Variants in CSMD1 observed in about 807,000 individuals in gnomAD.
CSMD1 encodes the protein CUB and Sushi multiple domains 1, also known as CUB and sushi domain-containing protein 1.
A neutral mutation model predicts 417.5 loss-of-function variants in CSMD1; 213 were observed. The observed-to-expected ratio is 0.51, with a 90% CI of 0.46 to 0.57. The LOEUF is 0.57. Ranked by LOEUF, CSMD1 falls within the 20% of genes least tolerant of loss-of-function variation. The probability of loss-of-function intolerance (pLI) is 0.00; values close to 1 mark genes in which losing one functional copy is unlikely to be tolerated. For missense variants in CSMD1, 6,923 were observed against 4,529.7 expected, an observed-to-expected ratio of 1.53 and a Z score of -15.17; for synonymous variants, 2,862 against 1,736.8, an observed-to-expected ratio of 1.65 and a Z score of -16.11.
At chr8:3,900,784 G>A (rs73495950) in intron 5 of CSMD1, among the ~76,000 whole-genome samples, 1,769 of 152,274 alleles carry the variant, frequency 0.012, 39 homozygotes, top group African/African-American at 0.041. Flanking sequence ...CACTGTAGCT[G>A]GGTGACACAG....
chr8:4,954,733 C>G (rs923113340), intron 1 of CSMD1, among the ~76,000 whole-genome samples: 17 of 152,086 alleles, frequency 1.1e-4, no homozygotes, highest in Non-Finnish European at 2.4e-4. Flanking sequence ...TATGCAGAGA[C>G]TGGAGGATAA....
At chr8:4,842,612 G>A (rs1010796010) in intron 1 of CSMD1, among the ~76,000 whole-genome samples, 7 of 152,188 alleles carry the variant, frequency 4.6e-5, no homozygotes, top group Admixed American at 1.3e-4. Flanking sequence ...GAACCCGGGT[G>A]CCTATGTGCA....
chr8:3,586,470 T>G (rs986184), intron 8 of CSMD1, among the ~76,000 whole-genome samples: 61,493 of 151,904 alleles, frequency 0.4, 12,751 homozygotes, highest in Middle Eastern at 0.47. Flanking sequence ...AGATTCCTGT[T>G]GTGCCAGCTT....
chr8:4,056,633 C>T (rs892131165), intron 3 of CSMD1, among the ~76,000 whole-genome samples: 1 of 151,836 alleles, frequency 6.6e-6, no homozygotes, highest in South Asian at 2.1e-4. Flanking sequence ...GTCCTGCACC[C>T]ATTAACTCAT....
At position 4,142,622 on chromosome 8, in the gene CSMD1, G is replaced by C. The variant is rs1393491059; in HGVS notation, c.416-110523C>G. On this transcript the variant is annotated intron_variant, in intron 3 of 69. Transcript: ENST00000635120. ...TTGCTAGCTTAGCAGCACTGGCTCT[G>C]TATTTAATTGCAAATGAGAGAGAAA... Among the ~76,000 whole-genome samples the C allele has an allele frequency of 1.3e-5, 2 of 151,026 alleles. 1 individual carries two copies. The highest frequency in any genetic ancestry group is 5.0e-5 in the African/African-American group (2 of 40,368).
rs1379646614 is a variant in CSMD1, at chr8:3,760,315, A to C, written c.819-6273T>G. Among the ~76,000 whole-genome samples the C allele has an allele frequency of 1.3e-5, 2 of 152,204 alleles. 1 individual carries two copies. The highest frequency in any genetic ancestry group is 2.9e-5 in the Non-Finnish European group (2 of 68,040). ...AAATTAAGCAATTTAAAGCAATGCC[A>C]AATTCATTTCCTTCAGAGGATTCAA... On this transcript the variant is annotated intron_variant, in intron 5 of 69. Coordinates refer to ENST00000635120, the MANE Select transcript of CSMD1 (RefSeq NM_033225.6).
intron 41 of CSMD1, among the ~76,000 whole-genome samples, chr8:3,129,976 G>A (rs1431864938): frequency 6.6e-6 from 1 of 151,548 alleles, no homozygotes; most frequent in Non-Finnish European, 1.5e-5. Flanking sequence ...GTGAGACTCT[G>A]TCCCAAAAAA....
At chr8:4,272,040 T>G (rs1435383113) in intron 3 of CSMD1, among the ~76,000 whole-genome samples, 1 of 152,120 alleles carries the variant, frequency 6.6e-6, no homozygotes, top group African/African-American at 2.4e-5. Context: ...TGAAAAAAAT[T>G]GCATGTAAGT....
chr8:4,866,409 G>A (rs1394377326), intron 1 of CSMD1, among the ~76,000 whole-genome samples: 1 of 151,808 alleles, frequency 6.6e-6, no homozygotes, highest in Non-Finnish European at 1.5e-5. Flanking sequence ...CTCTCTAATT[G>A]TTTCTCTAAG....
chr8:3,631,070 C>G lies in CSMD1; in HGVS notation c.1010-14273G>C, dbSNP rs148522331. 1.0e-3 allele frequency among the ~76,000 whole-genome samples: 153 copies of G among 152,276 alleles called. 3 individuals carry two copies. In the East Asian group the frequency reaches 0.028, roughly 27 times the overall value. On this transcript the variant is annotated intron_variant, in intron 7 of 69. Transcript: ENST00000635120. ...CGTGCCGCTCCTTCCACCCAAAATA[C>G]TCTTCAGCCAGGTCTTCCTGTCACA...
chr8:3,453,253 T>C (rs1371279572), intron 12 of CSMD1, among the ~76,000 whole-genome samples: 1 of 152,084 alleles, frequency 6.6e-6, no homozygotes, highest in Non-Finnish European at 1.5e-5. Context: ...GTTGATCTTT[T>C]CAAAAAACCA....
At chr8:4,945,181 A>G (rs1808285790) in intron 1 of CSMD1, among the ~76,000 whole-genome samples, 1 of 152,192 alleles carries the variant, frequency 6.6e-6, no homozygotes, top group South Asian at 2.1e-4. Flanking sequence ...CAAATACATG[A>G]GGTTTGTAGA....
intron 3 of CSMD1, among the ~76,000 whole-genome samples, chr8:4,337,241 C>A (rs968266895): frequency 6.6e-6 from 1 of 152,078 alleles, no homozygotes; most frequent in African/African-American, 2.4e-5. Context: ...AACTCCACTG[C>A]CTGATAAAAC....
chr8:3,735,554 G>A (rs1305272109), intron 6 of CSMD1, among the ~76,000 whole-genome samples: 1 of 152,212 alleles, frequency 6.6e-6, no homozygotes, highest in African/African-American at 2.4e-5. Context: ...TCTGCCTTTA[G>A]AAAATATGAG....
intron 3 of CSMD1, among the ~76,000 whole-genome samples, chr8:4,188,966 G>A (rs920508417): frequency 6.6e-5 from 10 of 152,276 alleles, no homozygotes; most frequent in Admixed American, 3.3e-4. Context: ...CCTGTGTTGA[G>A]GGGACCCAGA....
chr8:4,126,472 C>T (rs1399941417), intron 3 of CSMD1, among the ~76,000 whole-genome samples: 1 of 152,164 alleles, frequency 6.6e-6, no homozygotes, highest in Admixed American at 6.5e-5. Context: ...CTTGCTTAAC[C>T]TGTGCACCCC....
chr8:4,390,529 T>TTTATTTATTTA lies in CSMD1; in HGVS notation c.415+29423_415+29424insTAAATAAATAA, dbSNP rs1803778170. ...TATTTATTTATTTATTTATTTATTT[T>TTTATTTATTTA]TTGAGATGGAGTCTTGCTCTGTTGC... On this transcript the variant is annotated intron_variant, in intron 3 of 69. Coordinates refer to ENST00000635120, the MANE Select transcript of CSMD1 (RefSeq NM_033225.6). Among the ~76,000 whole-genome samples the TTTATTTATTTA allele has an allele frequency of 2.5e-4, 3 of 11,966 alleles. No individual in the cohort carries two copies. The African/African-American group carries it at 2.7e-3, about 11-fold the overall frequency. The allele number at this position is 11,966 out of a possible 152,430, so 7.9% of individuals were successfully genotyped here.
intron 23 of CSMD1, among the ~76,000 whole-genome samples, chr8:3,319,391 A>G (rs547683595): frequency 4.2e-4 from 64 of 152,344 alleles, no homozygotes; most frequent in Admixed American, 7.2e-4. Context: ...ATGTCAGTCA[A>G]TATAAGATTC....
intron 11 of CSMD1, among the ~76,000 whole-genome samples, chr8:3,488,971 T>C (rs533030882): frequency 6.6e-6 from 1 of 152,362 alleles, no homozygotes; most frequent in South Asian, 2.1e-4. Context: ...ATATCTTTAT[T>C]ACCAACATCA....
Sources: gnomAD v4.1 joint callset for allele counts (sites outside exome capture counted in the v4.1 genomes callset) on GRCh38, gnomAD v4.1.1 for gene constraint, MANE v1.5 for transcripts, NCBI Gene and HGNC (gene_info 2026-07-23, HGNC 2026-07-21) for gene names.